LRIG1: variants seen among roughly 807,000 people sequenced by gnomAD.
LRIG1 encodes leucine rich repeats and immunoglobulin like domains 1.
In LRIG1, 48 loss-of-function variants were observed where a neutral mutation model predicts 99.2. That is an observed-to-expected ratio of 0.48 (90% CI 0.38 to 0.62). The LOEUF is 0.62. Among genes scored for constraint, LRIG1 ranks in the 20% least tolerant of loss-of-function variants. The probability of loss-of-function intolerance (pLI) is 0.00; values close to 1 mark genes in which losing one functional copy is unlikely to be tolerated. For missense variants in LRIG1, 1,646 were observed against 1,434.4 expected (o/e 1.15, Z -2.38); for synonymous variants, 772 against 596.1 (o/e 1.29, Z -4.30).
chr3:66,411,511 G>C (rs1702460940), intron 6 of LRIG1, among the ~76,000 whole-genome samples: 1 of 152,184 alleles, frequency 6.6e-6, no homozygotes, highest in Non-Finnish European at 1.5e-5. Context: ...GAGGTCAAGT[G>C]AAACGTTTTT....
At chr3:66,446,838 A>T (rs2106794493) in intron 3 of LRIG1, among the ~76,000 whole-genome samples, 1 of 148,682 alleles carries the variant, frequency 6.7e-6, no homozygotes, top group South Asian at 2.2e-4. Context: ...ACATGAGAGA[A>T]AAATGCTTTC....
At chr3:66,476,414 T>C (rs925557059) in intron 1 of LRIG1, among the ~76,000 whole-genome samples, 1 of 152,092 alleles carries the variant, frequency 6.6e-6, no homozygotes, top group African/African-American at 2.4e-5. Flanking sequence ...CAATTCTCTT[T>C]CCCAGGTAAA....
intron 3 of LRIG1, among the ~76,000 whole-genome samples, chr3:66,436,563 C>G (rs1703364762): frequency 6.6e-6 from 1 of 152,198 alleles, no homozygotes; most frequent in African/African-American, 2.4e-5. Flanking sequence ...AACACCACGT[C>G]TCTCCCCCTC....
rs1437344054 is a variant in LRIG1, at chr3:66,412,967, T to A, written c.695A>T (p.Gln232Leu). ...RIRLIEGLTF[Q>L]GLNSLEVLKL... ...CAGCACCTCCAAGCTGTTGAGCCCC[T>A]GGAAGGTGAGGCCCTCTATCAGCCG... The change falls in exon 6 of 19, where the codon CAG becomes CTG. Residue 232 changes from glutamine (Q) to leucine (L), a missense_variant. Transcript: ENST00000273261. The A allele has an allele frequency of 6.2e-7, 1 of 1,614,048 alleles. No homozygotes were observed. Among genetic ancestry groups the A allele is most frequent in the Non-Finnish European group, 8.5e-7 (1 of 1,180,038 alleles).
At chr3:66,404,200 C>A (rs1302734592) in intron 9 of LRIG1, 9 of 1,263,768 alleles carry the variant, frequency 7.1e-6, no homozygotes, top group African/African-American at 1.5e-5. Flanking sequence ...CAAAACAAAT[C>A]AGAAGCATCT....
intron 1 of LRIG1, among the ~76,000 whole-genome samples, chr3:66,486,961 C>A (rs758551224): frequency 6.6e-6 from 1 of 152,166 alleles, no homozygotes; most frequent in African/African-American, 2.4e-5. Context: ...GAATTCCCTT[C>A]GCCCTCAAAG....
At chr3:66,465,784 C>G (rs1700460805) in intron 1 of LRIG1, among the ~76,000 whole-genome samples, 3 of 152,104 alleles carry the variant, frequency 2.0e-5, no homozygotes, top group African/African-American at 7.2e-5. Flanking sequence ...CAACCATCAC[C>G]ACCGTCCATC....
At chr3:66,440,712 G>A (rs1703511250) in intron 3 of LRIG1, among the ~76,000 whole-genome samples, 2 of 152,168 alleles carry the variant, frequency 1.3e-5, no homozygotes, top group African/African-American at 2.4e-5. Flanking sequence ...TAGCAAGAGT[G>A]TCTAACACTC....
intron 6 of LRIG1, 94 bp from the exon 7 acceptor site, chr3:66,410,366 G>A (rs1006089976): frequency 9.3e-5 from 116 of 1,242,294 alleles, no homozygotes; most frequent in Non-Finnish European, 1.1e-4. Flanking sequence ...CTGACACTGC[G>A]GTCACACCAA....
At position 66,414,345 on chromosome 3, in the gene LRIG1, T is replaced by C. The variant is rs368834207; in HGVS notation, c.647+575A>G. On this transcript the variant is annotated intron_variant, in intron 5 of 18. Transcript: ENST00000273261. Reference sequence around the variant, plus strand: ...CCCGGGGGCGGAGCTTGCAGTGAGCTGAGATCACACCACTGCACCCCACCT... The same window carrying C: ...CCCGGGGGCGGAGCTTGCAGTGAGCCGAGATCACACCACTGCACCCCACCT... Among the ~76,000 whole-genome samples the C allele has an allele frequency of 7.3e-3, 1,107 of 151,722 alleles. 21 individuals are homozygous for C. The highest frequency in any genetic ancestry group is 0.016 in the South Asian group (76 of 4,784).
chr3:66,405,374 G>A, intron 8 of LRIG1, 96 bp from the exon 9 acceptor site: 3 of 935,926 alleles, frequency 3.2e-6, no homozygotes, highest in Non-Finnish European at 5.2e-6. Context: ...GAAGTCCCCT[G>A]GGTGCATGCA....
intron 12 of LRIG1, chr3:66,387,725 A>T (rs1701442441): frequency 6.6e-6 from 1 of 152,104 alleles, no homozygotes; most frequent in African/African-American, 2.4e-5. Flanking sequence ...CCAGACTTAG[A>T]TTCACTAAAT....
At chr3:66,396,558 G>A (rs924363643) in intron 11 of LRIG1, among the ~76,000 whole-genome samples, 2 of 152,192 alleles carry the variant, frequency 1.3e-5, no homozygotes, top group Non-Finnish European at 2.9e-5. Context: ...CGGCTCCAGC[G>A]AGGTATATGC....
intron 3 of LRIG1, among the ~76,000 whole-genome samples, chr3:66,430,539 T>C (rs1703136235): frequency 6.6e-6 from 1 of 152,136 alleles, no homozygotes; most frequent in Non-Finnish European, 1.5e-5. Context: ...CCCTGGGAGT[T>C]CCACGTGGAC....
At chr3:66,438,058 T>C (rs781424518) in intron 3 of LRIG1, among the ~76,000 whole-genome samples, 141 of 152,118 alleles carry the variant, frequency 9.3e-4, no homozygotes, top group Non-Finnish European at 1.7e-3. Flanking sequence ...AGGTACTTCA[T>C]TGGGTGGCTG....
At chr3:66,388,150 AT>A (rs1701473201) in intron 12 of LRIG1, 2 of 149,338 alleles carry the variant, frequency 1.3e-5, no homozygotes, top group South Asian at 4.3e-4. Flanking sequence ...GTATGAGAAA[AT>A]TTTATAGCAA....
intron 3 of LRIG1, among the ~76,000 whole-genome samples, chr3:66,432,070 CT>C (rs1197983106): frequency 6.6e-6 from 1 of 152,156 alleles, no homozygotes; most frequent in Non-Finnish European, 1.5e-5. Flanking sequence ...ACTTTGGGAC[CT>C]AATCCTTAAG....
At chr3:66,472,893 C>A (rs1341243709) in intron 1 of LRIG1, among the ~76,000 whole-genome samples, 1 of 152,096 alleles carries the variant, frequency 6.6e-6, no homozygotes, top group Non-Finnish European at 1.5e-5. Context: ...ACATTTTGGG[C>A]CTTTTTAACT....
chr3:66,392,851 A>T (rs1262220000), intron 12 of LRIG1, among the ~76,000 whole-genome samples: 1 of 152,212 alleles, frequency 6.6e-6, no homozygotes, highest in Non-Finnish European at 1.5e-5. Context: ...GCCAATGAAC[A>T]ATGGATTATA....
Sources: gnomAD v4.1 joint callset for allele counts (sites outside exome capture counted in the v4.1 genomes callset) on GRCh38, gnomAD v4.1.1 for gene constraint, MANE v1.5 for transcripts, NCBI Gene and HGNC (gene_info 2026-07-23, HGNC 2026-07-21) for gene names.